The following RBM6 variants were observed in gnomAD, a reference collection of about 807,000 sequenced individuals.
RBM6 encodes RNA binding motif protein 6, also known as RNA-binding protein 6.
In RBM6, 23 loss-of-function variants were observed where a neutral mutation model predicts 140.4. That is an observed-to-expected ratio of 0.16 (90% confidence interval 0.12 to 0.23). RBM6 has a LOEUF of 0.23. Ranked by LOEUF, RBM6 falls within the 10% of genes least tolerant of loss-of-function variation. The pLI is 1.00. For synonymous variants in RBM6, 439 were observed against 475.6 expected (o/e 0.92, Z 1.00); for missense variants, 1,139 against 1,386.7 (o/e 0.82, Z 2.84).
At chr3:49,965,486 G>A (rs1440620640) in intron 2 of RBM6, among the ~76,000 whole-genome samples, 2 of 151,902 alleles carry the variant, frequency 1.3e-5, no homozygotes, top group African/African-American at 2.4e-5. Context: ...TGGCTAACAC[G>A]GTGAAACCCC....
chr3:49,957,218 A>G (rs2084034832), intron 1 of RBM6, among the ~76,000 whole-genome samples: 1 of 151,964 alleles, frequency 6.6e-6, no homozygotes, highest in Non-Finnish European at 1.5e-5. Context: ...TCCTGGCCTC[A>G]AGCAATCGGC....
chr3:50,060,809 G>A, intron 11 of RBM6, 147 bp from the exon 12 acceptor site: 3 of 574,862 alleles, frequency 5.2e-6, no homozygotes, highest in Non-Finnish European at 8.5e-6. Context: ...AGGAGTGTCT[G>A]GACCACCCAA....
intron 5 of RBM6, among the ~76,000 whole-genome samples, chr3:49,995,646 A>G (rs566834972): frequency 6.6e-6 from 1 of 152,326 alleles, no homozygotes; most frequent in South Asian, 2.1e-4. Context: ...AGTCATATAA[A>G]TAAGCACAAA....
chr3:50,049,212 G>A (rs902372860), intron 7 of RBM6, among the ~76,000 whole-genome samples: 4 of 151,800 alleles, frequency 2.6e-5, no homozygotes, highest in Admixed American at 6.6e-5. Flanking sequence ...GGGTTCAAAC[G>A]ATTCTCCTGC....
At chr3:49,986,344 C>T (rs868318191) in intron 5 of RBM6, among the ~76,000 whole-genome samples, 2 of 151,396 alleles carry the variant, frequency 1.3e-5, no homozygotes, top group Non-Finnish European at 2.9e-5. Flanking sequence ...CGTGTGATCC[C>T]AGCACTTTGG....
chr3:50,030,907 G>A (rs1272364305), intron 6 of RBM6, among the ~76,000 whole-genome samples: 1 of 152,166 alleles, frequency 6.6e-6, no homozygotes, highest in African/African-American at 2.4e-5. Flanking sequence ...ACCAGAGTAT[G>A]GGAAGGGTAG....
At chr3:49,990,993 A>G (rs1339470160) in intron 5 of RBM6, among the ~76,000 whole-genome samples, 1 of 152,216 alleles carries the variant, frequency 6.6e-6, no homozygotes, top group Non-Finnish European at 1.5e-5. Flanking sequence ...TTCTTACTTC[A>G]GACACCAATT....
intron 6 of RBM6, among the ~76,000 whole-genome samples, chr3:50,007,746 G>T (rs2086654642): frequency 6.6e-6 from 1 of 151,924 alleles, no homozygotes; most frequent in African/African-American, 2.4e-5. Flanking sequence ...TGTTAGCCAG[G>T]ATGGTCTCGA....
chr3:50,046,601 A>G (rs976215307), intron 6 of RBM6, among the ~76,000 whole-genome samples: 3 of 149,684 alleles, frequency 2.0e-5, no homozygotes, highest in Admixed American at 6.7e-5. Context: ...AAAAAAAAAA[A>G]GGAGGGGGCG....
intron 4 of RBM6, among the ~76,000 whole-genome samples, chr3:49,972,680 G>A (rs2084857421): frequency 6.6e-6 from 1 of 152,100 alleles, no homozygotes; most frequent in Admixed American, 6.6e-5. Context: ...AAGCATTACT[G>A]TATGTAATTG....
chr3:50,047,179 A>G (rs1248870172), intron 6 of RBM6: 1 of 984,764 alleles, frequency 1.0e-6, no homozygotes, highest in Non-Finnish European at 1.2e-6. Context: ...GCATTATTTG[A>G]CAGATGTATG....
Position 49,962,717 on chromosome 3 carries a change from C to T in RBM6, c.44+32C>T, listed in dbSNP as rs181929098. The T allele has an allele frequency of 1.4e-5, 21 of 1,524,746 alleles. No individual in the cohort carries two copies. In the East Asian group the frequency reaches 4.7e-4, roughly 34 times the overall value. The allele number at this position is 1,524,746 out of a possible 1,614,324, so 94.5% of individuals were successfully genotyped here. On this transcript the variant is annotated intron_variant, in intron 2 of 20. Coordinates refer to ENST00000266022, the MANE Select transcript of RBM6 (RefSeq NM_005777.3). ...TCTCAAATTTGAATATTGAAATTGC[C>T]AGTATTTTAATTATAAATGTGTAAC...
chr3:49,940,206 G>C lies in RBM6; in HGVS notation c.-86G>C, dbSNP rs2083223814. ...GGCTGAGGAGAAGGAGGAGCGGGCC[G>C]TGGAGGCTTCGCCGCCTAGGTAAGG... is the stretch of plus-strand genomic sequence containing the variant. On this transcript the variant is annotated 5_prime_UTR_variant, in exon 1 of 21. Coordinates refer to ENST00000266022, the MANE Select transcript of RBM6 (RefSeq NM_005777.3). 1 of 152,656 alleles carries C rather than the reference G, an allele frequency of 6.6e-6. No individual in the cohort carries two copies. The highest frequency in any genetic ancestry group is 2.4e-5 in the African/African-American group (1 of 41,468). The allele number at this position is 152,656 out of a possible 1,614,324, so 9.5% of individuals were successfully genotyped here.
At chr3:50,024,666 GT>G (rs1023052998) in intron 6 of RBM6, among the ~76,000 whole-genome samples, 1 of 152,196 alleles carries the variant, frequency 6.6e-6, no homozygotes, top group African/African-American at 2.4e-5. Flanking sequence ...GAAAAAAACA[GT>G]TTTTGGCCGG....
chr3:50,035,065 C>T (rs566894400), intron 6 of RBM6, among the ~76,000 whole-genome samples: 2 of 147,092 alleles, frequency 1.4e-5, no homozygotes, highest in South Asian at 4.5e-4. Context: ...CCCTCTCCTC[C>T]CCTCCCCTCT....
intron 19 of RBM6, among the ~76,000 whole-genome samples, chr3:50,072,900 A>G (rs1343104930): frequency 1.3e-5 from 2 of 152,124 alleles, no homozygotes; most frequent in Non-Finnish European, 2.9e-5. Context: ...TTTATACCAC[A>G]TTCTCCTGGC....
At chr3:50,052,991 GT>G (rs1271521271) in intron 7 of RBM6, among the ~76,000 whole-genome samples, 1 of 16,264 alleles carries the variant, frequency 6.1e-5, no homozygotes, top group East Asian at 4.1e-4. Flanking sequence ...GCAGGGGTGT[GT>G]GTGTGTGTGT....
At chr3:50,047,054 C>A in intron 6 of RBM6, 1 of 447,508 alleles carries the variant, frequency 2.2e-6, no homozygotes, top group East Asian at 1.6e-4. Context: ...AATAGTGTCT[C>A]AGACCAGATG....
At chr3:50,068,808 TG>T (rs2090197477) in intron 18 of RBM6, 44 bp downstream of exon 18, 1 of 1,548,798 alleles carries the variant, frequency 6.5e-7, no homozygotes, top group African/African-American at 1.4e-5. Flanking sequence ...CAGCTCTTTT[TG>T]CTTTCTGATA....
Sources: gnomAD v4.1 joint callset for allele counts (sites outside exome capture counted in the v4.1 genomes callset) on GRCh38, gnomAD v4.1.1 for gene constraint, MANE v1.5 for transcripts, NCBI Gene and HGNC (gene_info 2026-07-23, HGNC 2026-07-21) for gene names.